SUCLA2: variants seen among roughly 807,000 people sequenced by gnomAD.
SUCLA2 encodes succinate-CoA ligase ADP-forming subunit beta, also known as succinate--CoA ligase [ADP-forming] subunit beta, mitochondrial.
In SUCLA2, 30 loss-of-function variants were observed where a neutral mutation model predicts 54.8. The observed-to-expected ratio is 0.55, with a 90% confidence interval of 0.41 to 0.74. The LOEUF (loss-of-function observed/expected upper bound fraction) is 0.74, where lower values mean the gene tolerates loss of function less well. SUCLA2 is among the 30% of genes least tolerant of loss of function. The pLI, the probability that SUCLA2 is intolerant of heterozygous loss-of-function variation, is 0.00. For missense variants in SUCLA2, 476 were observed against 562.9 expected (o/e 0.85, Z 1.56); for synonymous variants, 172 against 188.9 (o/e 0.91, Z 0.74).
rs558227763 is a variant in SUCLA2, at chr13:47,965,668, A to G, written c.802+2927T>C. On this transcript the variant is annotated intron_variant, in intron 6 of 10. Transcript: ENST00000646932. ...GGGGAAAAATAGTATAAAGGACATC[A>G]GTAGGACAGCTGGCTACATTTGAAT... The G allele has an allele frequency of 4.8e-5, 19 of 398,566 alleles. No homozygotes were observed. The South Asian group carries it at 2.3e-3, about 48-fold the overall frequency. 24.7% of individuals were successfully genotyped at this position (398,566 alleles called of 1,614,324 possible).
At chr13:47,973,488 T>C in intron 4 of SUCLA2, 96 bp from the exon 5 acceptor site, 2 of 1,342,818 alleles carry the variant, frequency 1.5e-6, no homozygotes, top group South Asian at 2.4e-5. Context: ...GATGTAAGCA[T>C]CTATTACTCT....
chr13:47,994,117 A>T (rs879441707), intron 2 of SUCLA2, among the ~76,000 whole-genome samples: 11 of 152,164 alleles, frequency 7.2e-5, no homozygotes, highest in Non-Finnish European at 1.6e-4. Flanking sequence ...ATTTTGCAGA[A>T]AGTCAAAAAG....
At chr13:47,986,708 T>C (rs1288699839) in intron 4 of SUCLA2, among the ~76,000 whole-genome samples, 1 of 152,234 alleles carries the variant, frequency 6.6e-6, no homozygotes, top group Non-Finnish European at 1.5e-5. Flanking sequence ...TAATCCATCT[T>C]GAGTTAACTT....
At chr13:47,947,725 C>T (rs976746096) in intron 10 of SUCLA2, among the ~76,000 whole-genome samples, 2 of 152,086 alleles carry the variant, frequency 1.3e-5, no homozygotes, top group Non-Finnish European at 2.9e-5. Context: ...ACTGAACTCC[C>T]AGTTTACAGG....
chr13:47,965,229 T>C (rs1949907704), intron 6 of SUCLA2, among the ~76,000 whole-genome samples: 2 of 151,504 alleles, frequency 1.3e-5, no homozygotes, highest in African/African-American at 4.8e-5. Flanking sequence ...CCAAAACTAA[T>C]GGGTAAAAGT....
chr13:47,949,733 A>C, intron 8 of SUCLA2, 130 bp from the exon 9 acceptor site: 1 of 874,308 alleles, frequency 1.1e-6, no homozygotes. Context: ...AAACCACAAT[A>C]CCCTCTTCTA....
chr13:47,987,024 T>C (rs536458134), intron 4 of SUCLA2, among the ~76,000 whole-genome samples: 1 of 152,342 alleles, frequency 6.6e-6, no homozygotes, highest in Admixed American at 6.5e-5. Context: ...AAAGAATTTA[T>C]AATGTCTTCG....
chr13:47,980,866 T>C (rs7326984), intron 4 of SUCLA2, among the ~76,000 whole-genome samples: 110,899 of 152,088 alleles, frequency 0.73, 41,385 homozygotes, highest in Non-Finnish European at 0.81. Context: ...CTTCAACAAA[T>C]GGTGCTAGAA....
At position 47,970,107 on chromosome 13, in the gene SUCLA2, CA is replaced by C. The variant is rs1566086678; in HGVS notation, c.664-1375del. Among the ~76,000 whole-genome samples the C allele has an allele frequency of 3.8e-4, 27 of 71,822 alleles. No homozygotes were observed. In the South Asian group the frequency reaches 7.5e-3, roughly 20 times the overall value. 47.1% of individuals were successfully genotyped at this position (71,822 alleles called of 152,430 possible). On this transcript the variant is annotated intron_variant, in intron 5 of 10. Coordinates refer to ENST00000646932, the MANE Select transcript of SUCLA2 (RefSeq NM_003850.3). The stretch of plus-strand genomic sequence containing the variant: ...ACAGAGTGAGACTCTGTCTCCCCCC[CA>C]CAAAAAAAAAAAAAGCACTAAGGAA...
chr13:47,982,692 T>C (rs944180590), intron 4 of SUCLA2, among the ~76,000 whole-genome samples: 1 of 141,372 alleles, frequency 7.1e-6, no homozygotes, highest in African/African-American at 2.6e-5. Context: ...GGTAAATTTT[T>C]TGTTATATTT....
chr13:47,959,721 C>T (rs545718457), intron 6 of SUCLA2, among the ~76,000 whole-genome samples: 9 of 152,234 alleles, frequency 5.9e-5, no homozygotes, highest in African/African-American at 2.2e-4. Context: ...AGAGTTTAGA[C>T]AATAGATTCT....
At chr13:47,947,274 TACACACACACAC>T (rs34458960) in intron 10 of SUCLA2, among the ~76,000 whole-genome samples, 1 of 144,848 alleles carries the variant, frequency 6.9e-6, no homozygotes, top group African/African-American at 2.5e-5. Flanking sequence ...ACACGCACAA[TACACACACACAC>T]ACACACACAC....
chr13:47,984,194 CTT>C (rs764034048), intron 4 of SUCLA2, among the ~76,000 whole-genome samples: 7 of 143,898 alleles, frequency 4.9e-5, no homozygotes, highest in African/African-American at 5.1e-5. Flanking sequence ...CTACTTTTCA[CTT>C]TTTTTTTTTT....
chr13:47,954,388 C>T lies in SUCLA2; in HGVS notation c.964+8G>A. On this transcript the variant is annotated splice_region_variant and intron_variant, in intron 7 of 10. Coordinates refer to ENST00000646932, the MANE Select transcript of SUCLA2 (RefSeq NM_003850.3). ...TGAATCCAATTCTAACATAAAAACA[C>T]ATGGTACCTAGGCAGCCTATATTTC... 6.2e-7 allele frequency: 1 copy of T among 1,613,938 alleles called. No homozygotes were observed. Among genetic ancestry groups the T allele is most frequent in the Non-Finnish European group, 8.5e-7 (1 of 1,179,888 alleles).
At chr13:47,973,135 C>T in intron 5 of SUCLA2, 129 bp downstream of exon 5, 5 of 778,542 alleles carry the variant, frequency 6.4e-6, no homozygotes, top group Non-Finnish European at 4.2e-6. Flanking sequence ...CTATTTCAAA[C>T]AAGTTATTAA....
intron 6 of SUCLA2, among the ~76,000 whole-genome samples, chr13:47,957,572 A>C (rs75399565): frequency 0.027 from 4,127 of 152,252 alleles, 87 homozygotes; most frequent in South Asian, 0.081. Flanking sequence ...CATTGCATCG[A>C]TATAGGTAAG....
intron 6 of SUCLA2, 113 bp from the exon 7 acceptor site, chr13:47,954,670 T>A: frequency 1.8e-6 from 2 of 1,131,124 alleles, no homozygotes; most frequent in East Asian, 2.5e-5. Context: ...TTTTGTTACT[T>A]AATGAAAATA....
chr13:47,989,112 A>T, intron 2 of SUCLA2, 131 bp from the exon 3 acceptor site: 6 of 835,156 alleles, frequency 7.2e-6, no homozygotes, highest in Non-Finnish European at 1.2e-5. Flanking sequence ...TCCAAAAATA[A>T]GGCATTCTCT....
chr13:47,961,588 T>TAACA (rs1450197336), intron 6 of SUCLA2, among the ~76,000 whole-genome samples: 1 of 152,198 alleles, frequency 6.6e-6, no homozygotes, highest in African/African-American at 2.4e-5. Context: ...TTAGGCTTGT[T>TAACA]ATGTTAGAAT....
Sources: allele counts gnomAD v4.1 joint callset (sites outside exome capture counted in the v4.1 genomes callset), GRCh38; gene constraint gnomAD v4.1.1; transcripts MANE v1.5; gene names NCBI Gene and HGNC (gene_info 2026-07-23, HGNC 2026-07-21).